ACER1: variants seen among roughly 807,000 people sequenced by gnomAD.
The protein encoded by ACER1 is alkaline ceramidase 1, also known as CTB-180A7.3.
Under a neutral mutation model 24.9 loss-of-function variants are expected in ACER1, and 28 were observed. That is an observed-to-expected ratio of 1.13 (90% CI 0.83 to 1.54). The LOEUF (loss-of-function observed/expected upper bound fraction) is 1.54, where lower values mean the gene tolerates loss of function less well. Among genes scored for constraint, ACER1 ranks in the 40% most tolerant of loss-of-function variants. The pLI, the probability that ACER1 is intolerant of heterozygous loss-of-function variation, is 0.00. For synonymous variants in ACER1, 132 were observed against 131.4 expected (o/e 1.00, Z -0.03); for missense variants, 352 against 349.3 (o/e 1.01, Z -0.06).
At chr19:6,350,609 GGGAGGGAGGGAGGGAA>G in the ACER1 span, among the ~76,000 whole-genome samples, 270 of 148,488 alleles carry the variant, frequency 1.8e-3, no homozygotes, top group Non-Finnish European at 2.9e-3. Flanking sequence ...GAAGGAAGGA[GGGAGGGAGGGAGGGAA>G]GGAGGGAGGG....
intron 1 of ACER1, among the ~76,000 whole-genome samples, chr19:6,323,053 G>A (rs1032209862): frequency 4.6e-5 from 7 of 151,978 alleles, no homozygotes. Context: ...CAGAGGTTTC[G>A]GTGAACGGAG....
chr19:6,345,849 G>C, the ACER1 span, among the ~76,000 whole-genome samples: 1 of 151,650 alleles, frequency 6.6e-6, no homozygotes, highest in Admixed American at 6.6e-5. Flanking sequence ...ACAGGCATGA[G>C]CCACCATGCC....
chr19:6,353,696 G>C, the ACER1 span, among the ~76,000 whole-genome samples: 455 of 151,578 alleles, frequency 3.0e-3, 3 homozygotes, highest in African/African-American at 0.01. Flanking sequence ...GTGGTGGCAC[G>C]TGCATGTAAT....
At chr19:6,309,985 G>A in intron 3 of ACER1, 151 bp from the exon 4 acceptor site, 1 of 943,392 alleles carries the variant, frequency 1.1e-6, no homozygotes, top group South Asian at 1.7e-5. Context: ...AGCCAGGCAG[G>A]GCACGGTGGC....
rs149688161 is a variant in ACER1 at position 6,324,370 on chromosome 19, G to C, written c.93+9089C>G. On this transcript the variant is annotated intron_variant, in intron 1 of 5. Coordinates refer to ENST00000301452, the MANE Select transcript of ACER1 (RefSeq NM_133492.3). ...CTTTTTAATTTTTTTTTAGACACAG[G>C]GTCTCACTCTGTTGCCCAGGCTGGA... Among the ~76,000 whole-genome samples, 409 of 139,466 alleles carry C rather than the reference G, an allele frequency of 2.9e-3. 1 individual carries two copies. Among genetic ancestry groups the C allele is most frequent in the African/African-American group, 0.01 (386 of 37,214 alleles). 91.5% of individuals were successfully genotyped at this position (139,466 alleles called of 152,430 possible).
chr19:6,345,170 C>T, the ACER1 span, among the ~76,000 whole-genome samples: 5 of 152,150 alleles, frequency 3.3e-5, no homozygotes, highest in African/African-American at 7.2e-5. Flanking sequence ...GCTGGGATTA[C>T]AGGCGTGAGC....
At chr19:6,322,160 T>C (rs1366225541) in intron 1 of ACER1, among the ~76,000 whole-genome samples, 1 of 152,174 alleles carries the variant, frequency 6.6e-6, no homozygotes, top group Admixed American at 6.6e-5. Flanking sequence ...ATGCATGTAA[T>C]TATCCAACTT....
intron 1 of ACER1, among the ~76,000 whole-genome samples, chr19:6,319,979 G>T (rs2091621994): frequency 6.6e-6 from 1 of 151,618 alleles, no homozygotes; most frequent in Non-Finnish European, 1.5e-5. Context: ...GTGTGGTGGT[G>T]GATGCCTGTA....
chr19:6,319,261 C>A (rs761535141), intron 1 of ACER1, among the ~76,000 whole-genome samples: 1 of 152,024 alleles, frequency 6.6e-6, no homozygotes, highest in African/African-American at 2.4e-5. Flanking sequence ...AATGGGGGAC[C>A]CCGACTAATG....
intron 1 of ACER1, among the ~76,000 whole-genome samples, chr19:6,314,003 A>G (rs2091592623): frequency 6.6e-6 from 1 of 152,126 alleles, no homozygotes; most frequent in African/African-American, 2.4e-5. Context: ...ATGGTGGCTC[A>G]CGCCTGTAAT....
At position 6,329,964 on chromosome 19, in the gene ACER1, G is replaced by C. The variant is rs142441848; in HGVS notation, c.93+3495C>G. Among the ~76,000 whole-genome samples the C allele has an allele frequency of 4.1e-4, 58 of 141,200 alleles. 2 individuals are homozygous for C. Among genetic ancestry groups the C allele is most frequent in the Non-Finnish European group, 1.2e-4 (8 of 65,406 alleles). The allele number at this position is 141,200 out of a possible 152,430, so 92.6% of individuals were successfully genotyped here. ...CAGCTCACTGCAAGTTCCACCTACC[G>C]GGTTCACATAATTCTCCTGCCTCAG... On this transcript the variant is annotated intron_variant, in intron 1 of 5. Coordinates refer to ENST00000301452, the MANE Select transcript of ACER1 (RefSeq NM_133492.3).
the ACER1 span, among the ~76,000 whole-genome samples, chr19:6,345,544 C>A: frequency 2.7e-5 from 4 of 149,900 alleles, no homozygotes; most frequent in Non-Finnish European, 3.0e-5. Flanking sequence ...GAGACAGTGA[C>A]AGATCATCAG....
chr19:6,331,824 A>G (rs1384389327), intron 1 of ACER1, among the ~76,000 whole-genome samples: 1 of 151,920 alleles, frequency 6.6e-6, no homozygotes, highest in Non-Finnish European at 1.5e-5. Flanking sequence ...CAAAAGAACT[A>G]AGCACTATGC....
the ACER1 span, among the ~76,000 whole-genome samples, chr19:6,345,418 A>G: frequency 6.6e-6 from 1 of 152,090 alleles, no homozygotes; most frequent in African/African-American, 2.4e-5. Context: ...CACTATTTCT[A>G]TTAGTATTAC....
the ACER1 span, chr19:6,343,889 A>G: frequency 6.6e-6 from 1 of 152,200 alleles, no homozygotes; most frequent in Admixed American, 6.6e-5. Flanking sequence ...CATCTCCTGG[A>G]TTTATGTCCC....
chr19:6,360,125 C>T, the ACER1 span: 1 of 152,226 alleles, frequency 6.6e-6, no homozygotes, highest in Non-Finnish European at 1.5e-5. Context: ...CCCCAGCTAA[C>T]AAACTCCTAC....
intron 1 of ACER1, among the ~76,000 whole-genome samples, chr19:6,327,182 G>A (rs1255699256): frequency 6.6e-6 from 1 of 152,192 alleles, no homozygotes; most frequent in African/African-American, 2.4e-5. Context: ...TATAATGCCA[G>A]CACTTTTAGA....
intron 1 of ACER1, among the ~76,000 whole-genome samples, chr19:6,325,397 T>C (rs1169321078): frequency 6.6e-6 from 1 of 152,090 alleles, no homozygotes; most frequent in Non-Finnish European, 1.5e-5. Flanking sequence ...TCACGCCTGT[T>C]ATCCCAGCAC....
chr19:6,320,714 T>C (rs1246639420), intron 1 of ACER1, among the ~76,000 whole-genome samples: 2 of 152,124 alleles, frequency 1.3e-5, no homozygotes, highest in African/African-American at 4.8e-5. Flanking sequence ...AAGCTGCAAC[T>C]TTTGTGCAAT....
Sources: gnomAD v4.1 joint callset for allele counts (sites outside exome capture counted in the v4.1 genomes callset) on GRCh38, gnomAD v4.1.1 for gene constraint, MANE v1.5 for transcripts, NCBI Gene and HGNC (gene_info 2026-07-23, HGNC 2026-07-21) for gene names.